The following AUTS2 variants were observed in gnomAD, a reference collection of about 807,000 sequenced individuals.
AUTS2 encodes activator of transcription and developmental regulator AUTS2, also known as autism susceptibility gene 2 protein.
In AUTS2, 17 loss-of-function variants were observed where a neutral mutation model predicts 112.4. That is an observed-to-expected ratio of 0.15 (90% confidence interval 0.10 to 0.23). The LOEUF is 0.23. AUTS2 is among the 10% of genes least tolerant of loss of function. The pLI, the probability that AUTS2 is intolerant of heterozygous loss-of-function variation, is 1.00. For missense variants in AUTS2, 1,510 were observed against 1,701.6 expected (o/e 0.89, Z 1.98); for synonymous variants, 751 against 702.7 (o/e 1.07, Z -1.09).
At chr7:70,660,414 C>T (rs560551031) in intron 5 of AUTS2, among the ~76,000 whole-genome samples, 209 of 152,252 alleles carry the variant, frequency 1.4e-3, no homozygotes, top group Non-Finnish European at 2.5e-3. Context: ...CACCTAGCTC[C>T]GTGCACAGCT....
intron 6 of AUTS2, among the ~76,000 whole-genome samples, chr7:70,740,467 C>G (rs10950213): frequency 0.15 from 22,318 of 151,998 alleles, 2,239 homozygotes; most frequent in East Asian, 0.43. Context: ...CATTATGGCT[C>G]TTTATGTCTT....
intron 4 of AUTS2, chr7:70,290,401 T>C (rs942340723): frequency 2.0e-6 from 3 of 1,528,342 alleles, no homozygotes; most frequent in African/African-American, 2.8e-5. Flanking sequence ...AGAGGAAGCA[T>C]GTCTTAAATC....
intron 4 of AUTS2, among the ~76,000 whole-genome samples, chr7:70,168,099 T>A (rs1808475817): frequency 6.6e-6 from 1 of 152,234 alleles, no homozygotes; most frequent in Non-Finnish European, 1.5e-5. Context: ...AAAATACACT[T>A]GAAGCTTTCT....
At chr7:70,391,007 G>A (rs549870413) in intron 4 of AUTS2, among the ~76,000 whole-genome samples, 7 of 152,276 alleles carry the variant, frequency 4.6e-5, no homozygotes, top group Middle Eastern at 3.4e-3. Context: ...ACCTGTGAAG[G>A]AACTGAATGC....
intron 1 of AUTS2, among the ~76,000 whole-genome samples, chr7:69,650,538 C>T (rs1369257903): frequency 6.6e-6 from 1 of 152,116 alleles, no homozygotes; most frequent in East Asian, 1.9e-4. Flanking sequence ...CCCCGTGGGT[C>T]CCTGCCTGAT....
Position 70,034,582 on chromosome 7 carries a change from T to C in AUTS2, c.523-83550T>C, listed in dbSNP as rs1246047340. ...ATACTATTTATACTTATGGGTATTA[T>C]TGCTGCATTTGGTAATTCTACGGTA... On this transcript the variant is annotated intron_variant, in intron 2 of 18. Coordinates refer to ENST00000342771, the MANE Select transcript of AUTS2 (RefSeq NM_015570.4). Among the ~76,000 whole-genome samples, 5 of 152,226 alleles carry C rather than the reference T, an allele frequency of 3.3e-5. No homozygotes were observed. The South Asian group carries it at 1.0e-3, about 31-fold the overall frequency.
chr7:70,528,093 A>ATTTTTTTTTTTTTTTTTT (rs10651355), intron 5 of AUTS2, among the ~76,000 whole-genome samples: 2 of 97,278 alleles, frequency 2.1e-5, no homozygotes, highest in Admixed American at 1.1e-4. Context: ...AAATTTAAGG[A>ATTTTTTTTTTTTTTTTTT]TTTTTTTTTT....
At chr7:70,526,652 A>G (rs1374993005) in intron 5 of AUTS2, among the ~76,000 whole-genome samples, 1 of 152,200 alleles carries the variant, frequency 6.6e-6, no homozygotes. Context: ...CCTGGGTGAC[A>G]GCAAGACTCT....
chr7:70,031,538 A>AAAGAATT (rs1277581818), intron 2 of AUTS2, among the ~76,000 whole-genome samples: 1 of 152,176 alleles, frequency 6.6e-6, no homozygotes, highest in Non-Finnish European at 1.5e-5. Flanking sequence ...TGCTTTATAA[A>AAAGAATT]AAGAATTAGA....
intron 5 of AUTS2, among the ~76,000 whole-genome samples, chr7:70,442,199 A>T (rs1392808518): frequency 6.6e-6 from 1 of 152,172 alleles, no homozygotes; most frequent in Non-Finnish European, 1.5e-5. Flanking sequence ...ACAGTGCTTG[A>T]TATGAATTAG....
At chr7:69,600,843 C>CT (rs1412209203) in intron 1 of AUTS2, among the ~76,000 whole-genome samples, 2 of 151,958 alleles carry the variant, frequency 1.3e-5, no homozygotes, top group Admixed American at 1.3e-4. Flanking sequence ...TCTCCCTTTC[C>CT]TTTTTTGTGT....
intron 1 of AUTS2, among the ~76,000 whole-genome samples, chr7:69,868,491 C>A (rs1793338095): frequency 1.3e-5 from 2 of 152,132 alleles, no homozygotes; most frequent in African/African-American, 4.8e-5. Flanking sequence ...AAGTTTTTAT[C>A]CAAGACTAGC....
chr7:69,667,905 T>C (rs897201985), intron 1 of AUTS2, among the ~76,000 whole-genome samples: 6 of 152,180 alleles, frequency 3.9e-5, no homozygotes, highest in African/African-American at 1.4e-4. Flanking sequence ...TATACTTCTG[T>C]TCATCAGCTA....
intron 5 of AUTS2, among the ~76,000 whole-genome samples, chr7:70,669,853 G>A (rs780990824): frequency 6.6e-6 from 1 of 152,206 alleles, no homozygotes; most frequent in Non-Finnish European, 1.5e-5. Flanking sequence ...GATTCAAACA[G>A]ATGCACATCG....
chr7:69,605,595 G>A (rs1336252826), intron 1 of AUTS2, among the ~76,000 whole-genome samples: 1 of 152,216 alleles, frequency 6.6e-6, no homozygotes, highest in Non-Finnish European at 1.5e-5. Flanking sequence ...AAAGGAGGTT[G>A]ACATTGATGT....
intron 5 of AUTS2, among the ~76,000 whole-genome samples, chr7:70,537,143 C>A (rs1329727524): frequency 2.0e-5 from 3 of 152,244 alleles, no homozygotes; most frequent in Non-Finnish European, 2.9e-5. Context: ...TGCCAAGCCA[C>A]CTTGGAAAAC....
At chr7:70,155,164 G>T (rs1807675716) in intron 4 of AUTS2, among the ~76,000 whole-genome samples, 1 of 152,096 alleles carries the variant, frequency 6.6e-6, no homozygotes, top group African/African-American at 2.4e-5. Flanking sequence ...ATTTAGAGTG[G>T]TCTCATTCAA....
In AUTS2 at chr7:70,790,858, A is replaced by G; in HGVS notation, c.3642A>G (p.Thr1214=). ...QNGLLNKTPP[T]AALSAPPPLI... Reference sequence around the variant, plus strand: ...GACTCCTCAACAAGACCCCTCCGACAGCAGCGCTGAGCGCACCTCCCCCGC... The same window carrying G: ...GACTCCTCAACAAGACCCCTCCGACGGCAGCGCTGAGCGCACCTCCCCCGC... Residue 1214 remains threonine (T), a synonymous_variant, in exon 19 of 19, where the codon ACA becomes ACG. Transcript: ENST00000342771. This position sits in a 1 kb window ranked among gnomAD's most constrained non-coding sequence, Gnocchi z 7.6. 1 of 1,606,198 alleles carries G rather than the reference A, an allele frequency of 6.2e-7. No individual in the cohort carries two copies. Among genetic ancestry groups the G allele is most frequent in the East Asian group, 2.2e-5 (1 of 44,810 alleles).
intron 4 of AUTS2, among the ~76,000 whole-genome samples, chr7:70,148,232 G>A (rs1584791502): frequency 6.6e-6 from 1 of 152,192 alleles, no homozygotes; most frequent in East Asian, 1.9e-4. Context: ...AGAAGACTTA[G>A]AGTTTTTGGA....
Sources: allele counts gnomAD v4.1 joint callset (sites outside exome capture counted in the v4.1 genomes callset), GRCh38; gene constraint gnomAD v4.1.1; non-coding constraint Gnocchi (gnomAD v3.1); transcripts MANE v1.5; gene names NCBI Gene and HGNC (gene_info 2026-07-23, HGNC 2026-07-21).